The following PATJ variants were observed in gnomAD, a reference collection of about 807,000 sequenced individuals.
PATJ encodes PATJ crumbs cell polarity complex component.
PATJ carries 190 observed loss-of-function variants against 224.9 expected under a neutral mutation model. That is an observed-to-expected ratio of 0.84 (90% CI 0.75 to 0.95). The LOEUF (loss-of-function observed/expected upper bound fraction) is 0.95, where lower values mean the gene tolerates loss of function less well. Ranked by LOEUF, PATJ falls within the 40% of genes least tolerant of loss-of-function variation. The pLI is 0.00. For synonymous variants in PATJ, 769 were observed against 820.3 expected, an observed-to-expected ratio of 0.94 and a Z score of 1.07; for missense variants, 2,121 against 2,270.3, an observed-to-expected ratio of 0.93 and a Z score of 1.34.
chr1:61,817,463 A>G (rs1037368296), intron 14 of PATJ, among the ~76,000 whole-genome samples: 5 of 152,158 alleles, frequency 3.3e-5, no homozygotes, highest in Non-Finnish European at 5.9e-5. Context: ...CAGGGGTTCA[A>G]GACCAGCCTG....
intron 14 of PATJ, among the ~76,000 whole-genome samples, chr1:61,814,547 T>TGTGTGTGTGCGCGC (rs370488022): frequency 2.7e-4 from 38 of 142,564 alleles, no homozygotes; most frequent in African/African-American, 9.7e-4. Context: ...TGTGTGTGTG[T>TGTGTGTGTGCGCGC]GCGCGCGCGC....
chr1:61,909,319 G>A (rs1672284376), intron 25 of PATJ, among the ~76,000 whole-genome samples: 1 of 152,140 alleles, frequency 6.6e-6, no homozygotes, highest in Admixed American at 6.6e-5. Context: ...CTTTGGTATG[G>A]AATTGGAACT....
chr1:61,952,960 T>G (rs1242772620), intron 27 of PATJ, among the ~76,000 whole-genome samples: 1 of 152,208 alleles, frequency 6.6e-6, no homozygotes, highest in Admixed American at 6.5e-5. Context: ...AATTGTAAAA[T>G]AACACATTAA....
At chr1:61,836,469 T>G (rs1660193877) in intron 17 of PATJ, among the ~76,000 whole-genome samples, 1 of 152,228 alleles carries the variant, frequency 6.6e-6, no homozygotes, top group Non-Finnish European at 1.5e-5. Context: ...GCTCATCTTA[T>G]TTACTTCTAC....
rs976781696 is a variant in PATJ, at chr1:62,163,529, A to G, written c.*2475A>G. On this transcript the variant is annotated 3_prime_UTR_variant, in exon 44 of 44. Transcript: ENST00000642238. Reference sequence around the variant, plus strand: ...ATACATTGTTGTGGTGTTTCTTTATACATTATCCTTTTAGGTCGTGCTAGT... The same window carrying G: ...ATACATTGTTGTGGTGTTTCTTTATGCATTATCCTTTTAGGTCGTGCTAGT... 6.6e-6 allele frequency: 1 copy of G among 152,642 alleles called. No homozygotes were observed. Among genetic ancestry groups the G allele is most frequent in the Non-Finnish European group, 1.5e-5 (1 of 68,048 alleles). 9.5% of individuals were successfully genotyped at this position (152,642 alleles called of 1,614,324 possible). A position where few individuals can be genotyped will look rare whatever the true frequency, so the allele number is the denominator to read the frequency against.
chr1:62,050,956 C>T lies in PATJ; in HGVS notation c.4033-10C>T, dbSNP rs745369894. ...GACATCTTTGCCATTTTCTTTTTAA[C>T]GTTCCATAGGATCAGAGCGGCACCG... is the stretch of plus-strand genomic sequence containing the variant. On this transcript the variant is annotated splice_polypyrimidine_tract_variant and intron_variant, in intron 30 of 43. Transcript: ENST00000642238. 2.8e-5 allele frequency: 45 copies of T among 1,607,100 alleles called. No homozygotes were observed. The highest frequency in any genetic ancestry group is 3.3e-5 in the Non-Finnish European group (39 of 1,174,514).
chr1:61,892,537 G>T (rs745837961), intron 22 of PATJ, among the ~76,000 whole-genome samples: 14 of 151,876 alleles, frequency 9.2e-5, no homozygotes, highest in Non-Finnish European at 1.8e-4. Context: ...ATAACTTTAG[G>T]CATTTGTGAT....
intron 40 of PATJ, 61 bp from the exon 41 acceptor site, chr1:62,128,780 A>C: frequency 4.5e-5 from 47 of 1,046,468 alleles, no homozygotes; most frequent in Non-Finnish European, 6.8e-5. Flanking sequence ...AATTTTAAGC[A>C]TTCTTCTCAA....
At chr1:61,949,888 C>G (rs1437502191) in intron 27 of PATJ, among the ~76,000 whole-genome samples, 1 of 148,890 alleles carries the variant, frequency 6.7e-6, no homozygotes, top group Non-Finnish European at 1.5e-5. Context: ...GGTGACAGAG[C>G]GAGACTCTGT....
chr1:62,142,720 T>C (rs1667625669), intron 41 of PATJ, among the ~76,000 whole-genome samples: 1 of 152,048 alleles, frequency 6.6e-6, no homozygotes, highest in African/African-American at 2.4e-5. Context: ...CAAAGCAGGC[T>C]TGTAGAAGGG....
intron 42 of PATJ, among the ~76,000 whole-genome samples, chr1:62,148,666 C>T (rs139505238): frequency 9.6e-4 from 146 of 152,290 alleles, no homozygotes; most frequent in African/African-American, 3.4e-3. Context: ...AGCCCAGGTG[C>T]ACGCTGCTTT....
At chr1:61,991,514 A>G (rs1411591339) in intron 28 of PATJ, 52 of 985,284 alleles carry the variant, frequency 5.3e-5, no homozygotes, top group Non-Finnish European at 6.0e-5. Flanking sequence ...ACAGTCATCC[A>G]TAATTTTACT....
At position 62,114,118 on chromosome 1, in the gene PATJ, C is replaced by A; in HGVS notation, c.4527C>A (p.Pro1509=). 6.2e-7 allele frequency: 1 copy of A among 1,614,148 alleles called. No individual in the cohort carries two copies. Among genetic ancestry groups the A allele is most frequent in the South Asian group, 1.1e-5 (1 of 91,080 alleles). The part of the protein sequence containing the change: ...EEAITALRQT[P]QKVRLVVYRD... ...CCATCACAGCCCTGAGGCAGACCCC[C>A]CAGAAGGTGCGGCTGGTGGTGTATA... is the stretch of plus-strand genomic sequence containing the variant. The change falls in exon 35 of 44, where the codon CCC becomes CCA. Residue 1509 remains proline (P), a synonymous_variant. Transcript: ENST00000642238.
chr1:62,129,666 C>T (rs1666066734), intron 41 of PATJ, among the ~76,000 whole-genome samples: 3 of 152,182 alleles, frequency 2.0e-5, no homozygotes, highest in African/African-American at 4.8e-5. Flanking sequence ...GGTGGCTAGG[C>T]GCGGTGGCCC....
At chr1:61,773,428 G>A (rs1426545996) in intron 6 of PATJ, among the ~76,000 whole-genome samples, 5 of 152,144 alleles carry the variant, frequency 3.3e-5, no homozygotes, top group Non-Finnish European at 7.3e-5. Flanking sequence ...ACCACTTTGG[G>A]AGGCCTAGGC....
chr1:61,995,414 C>T (rs765743262), intron 28 of PATJ, among the ~76,000 whole-genome samples: 27 of 152,282 alleles, frequency 1.8e-4, no homozygotes, highest in Non-Finnish European at 7.4e-5. Flanking sequence ...TTCCTTCAGA[C>T]GCTTAGATGA....
intron 39 of PATJ, among the ~76,000 whole-genome samples, chr1:62,126,133 G>A (rs1445506427): frequency 6.6e-6 from 1 of 152,130 alleles, no homozygotes; most frequent in East Asian, 1.9e-4. Flanking sequence ...GAGTTCTGTG[G>A]GTTCACAAAC....
intron 11 of PATJ, among the ~76,000 whole-genome samples, chr1:61,800,440 T>C (rs1014838819): frequency 3.9e-5 from 6 of 152,220 alleles, no homozygotes; most frequent in African/African-American, 1.4e-4. Flanking sequence ...GTTTTATTGT[T>C]ACTGAGTTGT....
chr1:62,076,180 C>T (rs962046471), intron 31 of PATJ, among the ~76,000 whole-genome samples: 2 of 151,836 alleles, frequency 1.3e-5, no homozygotes, highest in African/African-American at 4.8e-5. Flanking sequence ...ATTCTTAAGC[C>T]AGGGCTTCTT....
Sources: gnomAD v4.1 joint callset for allele counts (sites outside exome capture counted in the v4.1 genomes callset) on GRCh38, gnomAD v4.1.1 for gene constraint, MANE v1.5 for transcripts, NCBI Gene and HGNC (gene_info 2026-07-23, HGNC 2026-07-21) for gene names.